Variants in SLC7A2 observed in about 807,000 individuals in gnomAD.
SLC7A2 encodes the protein solute carrier family 7 member 2.
A neutral mutation model predicts 58.9 loss-of-function variants in SLC7A2; 48 were observed. The observed-to-expected ratio is 0.82, with a 90% CI of 0.65 to 1.04. The LOEUF (loss-of-function observed/expected upper bound fraction) is 1.04. Ranked by LOEUF, SLC7A2 falls within the 50% of genes least tolerant of loss-of-function variation. SLC7A2 has a pLI of 0.00. For synonymous variants in SLC7A2, 363 were observed against 314.5 expected, an observed-to-expected ratio of 1.15 and a Z score of -1.63; for missense variants, 1,029 against 818.8, an observed-to-expected ratio of 1.26 and a Z score of -3.13.
At chr8:17,539,026 C>T in intron 2 of SLC7A2, 1 of 988,260 alleles carries the variant, frequency 1.0e-6, no homozygotes, top group South Asian at 1.4e-5. Flanking sequence ...CTAAGTGACT[C>T]AATGCAACTT....
chr8:17,546,655 C>G (rs1468001661), intron 4 of SLC7A2, among the ~76,000 whole-genome samples: 4 of 152,174 alleles, frequency 2.6e-5, no homozygotes, highest in African/African-American at 9.7e-5. Flanking sequence ...GTTGACCATA[C>G]AGCTTTCCTT....
At chr8:17,536,742 C>T (rs909925076) in intron 2 of SLC7A2, among the ~76,000 whole-genome samples, 2 of 152,156 alleles carry the variant, frequency 1.3e-5, no homozygotes, top group African/African-American at 4.8e-5. Flanking sequence ...GGAAATGTAG[C>T]AGAAATGGCT....
chr8:17,502,466 G>C (rs1007119481), intron 2 of SLC7A2, among the ~76,000 whole-genome samples, 164 bp downstream of exon 2: 1 of 152,112 alleles, frequency 6.6e-6, no homozygotes, highest in Non-Finnish European at 1.5e-5. Flanking sequence ...CATTGGCCTA[G>C]TAGAAGAAAA....
Position 17,551,945 on chromosome 8 carries a change from A to G in SLC7A2, c.1014A>G (p.Lys338=), listed in dbSNP as rs748422163. The change falls in exon 7 of 13, where the codon AAA becomes AAG. Residue 338 remains lysine, a synonymous_variant. Transcript: ENST00000494857. ...AATATGTGGGATGGGGTCCTGCCAAATATGTCGTCGCAGCTGGTTCTCTCT... is the reference window on the plus strand; with the variant it reads ...AATATGTGGGATGGGGTCCTGCCAAGTATGTCGTCGCAGCTGGTTCTCTCT... ...AFEYVGWGPA[K]YVVAAGSLCA... is the part of the protein sequence containing the mutation. The G allele has an allele frequency of 1.2e-6, 2 of 1,614,002 alleles. No individual in the cohort carries two copies. The highest frequency in any genetic ancestry group is 2.2e-5 in the East Asian group (1 of 44,850).
rs926017240 is a variant in SLC7A2 at position 17,567,799 on chromosome 8, G to A, written c.*2653G>A. 4 of 152,126 alleles carry A rather than the reference G, an allele frequency of 2.6e-5. No homozygotes were observed. Among genetic ancestry groups the A allele is most frequent in the African/African-American group, 7.2e-5 (3 of 41,424 alleles). 9.4% of individuals were successfully genotyped at this position (152,126 alleles called of 1,614,324 possible). A position where few individuals can be genotyped will look rare whatever the true frequency, so the allele number is the denominator to read the frequency against. The stretch of plus-strand genomic sequence containing the variant: ...AGACTCTTTAAGACGTATTTATAAT[G>A]TTTCTAATATGAAATCACTAAACTC... On this transcript the variant is annotated 3_prime_UTR_variant, in exon 13 of 13. Coordinates refer to ENST00000494857, the MANE Select transcript of SLC7A2 (RefSeq NM_001370338.1).
chr8:17,529,540 T>G (rs1221316711), intron 2 of SLC7A2, among the ~76,000 whole-genome samples: 3 of 151,612 alleles, frequency 2.0e-5, no homozygotes, highest in Non-Finnish European at 4.4e-5. Context: ...TTGTTTTTTT[T>G]TTTTTTGAGA....
At chr8:17,534,711 A>G (rs903927247) in intron 2 of SLC7A2, among the ~76,000 whole-genome samples, 6 of 151,156 alleles carry the variant, frequency 4.0e-5, no homozygotes, top group Admixed American at 6.6e-5. Context: ...AAAAAAAAAA[A>G]AACAAGACAA....
chr8:17,529,723 T>C (rs1015182061), intron 2 of SLC7A2, among the ~76,000 whole-genome samples: 4 of 151,974 alleles, frequency 2.6e-5, no homozygotes, highest in African/African-American at 9.7e-5. Flanking sequence ...TTAGTAACGA[T>C]GGGGTTTTAC....
At position 17,568,105 on chromosome 8, in the gene SLC7A2, G is replaced by A. The variant is rs910660203; in HGVS notation, c.*2959G>A. 6 of 151,976 alleles carry A rather than the reference G, an allele frequency of 3.9e-5. No homozygotes were observed. Among genetic ancestry groups the A allele is most frequent in the East Asian group, 1.9e-4 (1 of 5,194 alleles). 9.4% of individuals were successfully genotyped at this position (151,976 alleles called of 1,614,324 possible). On this transcript the variant is annotated 3_prime_UTR_variant, in exon 13 of 13. Transcript: ENST00000494857. ...TCAAAATTATATAAAGTCTTCTCCAGTAATTAAGAAATACATATGCAAATT... is the reference window on the plus strand; with the variant it reads ...TCAAAATTATATAAAGTCTTCTCCAATAATTAAGAAATACATATGCAAATT...
Position 17,563,749 on chromosome 8 carries a change from T to C in SLC7A2, c.1780+38T>C, listed in dbSNP as rs373340222. On this transcript the variant is annotated intron_variant, in intron 12 of 12. Transcript: ENST00000494857. The stretch of plus-strand genomic sequence containing the variant: ...ATGTCGGGTTCTCTTTCCTATTTCA[T>C]GTGCTGTGATGAGAGAAACATGCCC... The C allele has an allele frequency of 4.1e-6, 5 of 1,207,908 alleles. No homozygotes were observed. The African/African-American group carries it at 7.5e-5, about 18-fold the overall frequency. The allele number at this position is 1,207,908 out of a possible 1,614,324, so 74.8% of individuals were successfully genotyped here.
rs1038866218 is a variant in SLC7A2, at chr8:17,540,380, G to A, written c.-22-2938G>A. Among the ~76,000 whole-genome samples, 41 of 152,102 alleles carry A rather than the reference G, an allele frequency of 2.7e-4. 1 individual carries two copies. Among genetic ancestry groups the A allele is most frequent in the African/African-American group, 9.7e-4 (40 of 41,420 alleles). ...TCTAATTACTCAAAAGCAAATGAAT[G>A]CTTGACAAATGGGATCTTTGTCTTT... On this transcript the variant is annotated intron_variant, in intron 2 of 12. Coordinates refer to ENST00000494857, the MANE Select transcript of SLC7A2 (RefSeq NM_001370338.1).
chr8:17,551,872 T>C lies in SLC7A2; in HGVS notation c.941T>C (p.Met314Thr). ...FGVSAALTLMMPYYLLDEKSP... is the reference protein window; with the variant it reads ...FGVSAALTLMTPYYLLDEKSP... ...GTCTCTGCAGCTTTAACACTTATGA[T>C]GCCGTACTACCTCCTCGATGAAAAA... The change falls in exon 7 of 13, where the codon ATG becomes ACG. Residue 314 changes from methionine (M) to threonine (T), a missense_variant. By Grantham distance (81) the Met-to-Thr change is moderately conservative. Coordinates refer to ENST00000494857, the MANE Select transcript of SLC7A2 (RefSeq NM_001370338.1). The C allele has an allele frequency of 6.2e-7, 1 of 1,613,978 alleles. No individual in the cohort carries two copies. Among genetic ancestry groups the C allele is most frequent in the South Asian group, 1.1e-5 (1 of 91,078 alleles).
chr8:17,561,959 G>T lies in SLC7A2; in HGVS notation c.1520G>T (p.Gly507Val). 1.2e-6 allele frequency: 2 copies of T among 1,614,070 alleles called. No individual in the cohort carries two copies. The highest frequency in any genetic ancestry group is 2.2e-5 in the East Asian group (1 of 44,862). The change falls in exon 11 of 13, where the codon GGC becomes GTC. Residue 507 changes from glycine to valine, a missense_variant. Coordinates refer to ENST00000494857, the MANE Select transcript of SLC7A2 (RefSeq NM_001370338.1). ...CCCCCTGCAGCTTTCCTCGTGTTGGGCCTGAGTGTCTTGACCACTTACGGA... is the reference window on the plus strand; with the variant it reads ...CCCCCTGCAGCTTTCCTCGTGTTGGTCCTGAGTGTCTTGACCACTTACGGA... The part of the protein sequence containing the change: ...LVGFLAFLVL[G>V]LSVLTTYGVH...
chr8:17,528,199 C>T lies in SLC7A2; in HGVS notation c.-22-15119C>T, dbSNP rs185541033. Among the ~76,000 whole-genome samples the T allele has an allele frequency of 7.9e-5, 12 of 152,110 alleles. No homozygotes were observed. In the East Asian group the frequency reaches 1.5e-3, roughly 20 times the overall value. On this transcript the variant is annotated intron_variant, in intron 2 of 12. Coordinates refer to ENST00000494857, the MANE Select transcript of SLC7A2 (RefSeq NM_001370338.1). ...GGGAGGAGCAGACCCAGCAGAGCTC[C>T]GTACACTGTCGAGGTGGTTTTTAAG...
In SLC7A2 at chr8:17,569,798, A is replaced by G. The variant is rs1217017884; in HGVS notation, c.*4652A>G. 1 of 152,176 alleles carries G rather than the reference A, an allele frequency of 6.6e-6. No individual in the cohort carries two copies. The highest frequency in any genetic ancestry group is 1.5e-5 in the Non-Finnish European group (1 of 68,034). The allele number at this position is 152,176 out of a possible 1,614,324, so 9.4% of individuals were successfully genotyped here. ...ATTCACCATGGTTGATGCCACTGCC[A>G]TGATCGCTGGGTCTTAAAGAGCTTT... is the stretch of plus-strand genomic sequence containing the variant. On this transcript the variant is annotated 3_prime_UTR_variant, in exon 13 of 13. Coordinates refer to ENST00000494857, the MANE Select transcript of SLC7A2 (RefSeq NM_001370338.1).
At chr8:17,554,988 C>T in intron 8 of SLC7A2, 3 of 1,613,916 alleles carry the variant, frequency 1.9e-6, no homozygotes, top group Non-Finnish European at 2.5e-6. Flanking sequence ...TTCTGTTTGC[C>T]ATGGCCCGGG....
At position 17,535,056 on chromosome 8, in the gene SLC7A2, A is replaced by G. The variant is rs554944631; in HGVS notation, c.-22-8262A>G. Among the ~76,000 whole-genome samples the G allele has an allele frequency of 5.3e-5, 8 of 152,078 alleles. No homozygotes were observed. In the South Asian group the frequency reaches 1.5e-3, roughly 28 times the overall value. The stretch of plus-strand genomic sequence containing the variant: ...CCAGTCTTGATCTTTCTCATCCCTT[A>G]TTTATGATACAGTCAGAATGATGTT... On this transcript the variant is annotated intron_variant, in intron 2 of 12. Coordinates refer to ENST00000494857, the MANE Select transcript of SLC7A2 (RefSeq NM_001370338.1).
At chr8:17,549,809 A>C (rs943059349) in intron 5 of SLC7A2, among the ~76,000 whole-genome samples, 7 of 152,242 alleles carry the variant, frequency 4.6e-5, no homozygotes, top group Non-Finnish European at 7.3e-5. Context: ...ATATAATAAA[A>C]TATTCAATTT....
At chr8:17,516,058 T>A (rs1463656739) in intron 2 of SLC7A2, among the ~76,000 whole-genome samples, 1 of 152,204 alleles carries the variant, frequency 6.6e-6, no homozygotes, top group Non-Finnish European at 1.5e-5. Flanking sequence ...AAGAAAGTTA[T>A]CATCTCTTTT....
Sources: allele counts gnomAD v4.1 joint callset (sites outside exome capture counted in the v4.1 genomes callset), GRCh38; gene constraint gnomAD v4.1.1; transcripts MANE v1.5; gene names NCBI Gene and HGNC (gene_info 2026-07-23, HGNC 2026-07-21).